The following NRXN1 variants were observed in gnomAD, a reference collection of about 807,000 sequenced individuals.
NRXN1 encodes neurexin-1.
A neutral mutation model predicts 150.9 loss-of-function variants in NRXN1; 39 were observed. That is an observed-to-expected ratio of 0.26 (90% confidence interval 0.20 to 0.34). The LOEUF is 0.34. Ranked by LOEUF, NRXN1 falls within the 10% of genes least tolerant of loss-of-function variation. NRXN1 has a pLI of 1.00. For missense variants in NRXN1, 1,815 were observed against 1,949.9 expected (o/e 0.93, Z 1.30); for synonymous variants, 924 against 757.0 (o/e 1.22, Z -3.62).
At chr2:50,957,728 A>C (rs1301776511) in intron 2 of NRXN1, among the ~76,000 whole-genome samples, 1 of 152,142 alleles carries the variant, frequency 6.6e-6, no homozygotes, top group Non-Finnish European at 1.5e-5. Context: ...TTTATTCTTA[A>C]TTACTTTTGT....
At chr2:50,209,803 A>C (rs899353136) in intron 18 of NRXN1, among the ~76,000 whole-genome samples, 2 of 152,178 alleles carry the variant, frequency 1.3e-5, no homozygotes, top group Admixed American at 1.3e-4. Context: ...TTGTTGCAAT[A>C]AAAAATAAAA....
chr2:50,694,332 T>C (rs17040945), intron 5 of NRXN1, among the ~76,000 whole-genome samples: 9,045 of 152,240 alleles, frequency 0.059, 532 homozygotes, highest in East Asian at 0.23. Flanking sequence ...GGGCATGTTA[T>C]TTTATCTTTT....
rs141823280 is a variant in NRXN1, at chr2:50,629,555, G to A, written c.833-5940C>T. On this transcript the variant is annotated intron_variant, in intron 5 of 22. Coordinates refer to ENST00000401669, the MANE Select transcript of NRXN1 (RefSeq NM_001330078.2). ...AGGGTTGCCTATGGGTGTGCTAAGCGTGTGAAAAATTAATTTACCTGGACA... is the reference window on the plus strand; with the variant it reads ...AGGGTTGCCTATGGGTGTGCTAAGCATGTGAAAAATTAATTTACCTGGACA... Among the ~76,000 whole-genome samples, 37 of 151,646 alleles carry A rather than the reference G, an allele frequency of 2.4e-4. No individual in the cohort carries two copies. In the East Asian group the frequency reaches 3.3e-3, roughly 13 times the overall value.
intron 5 of NRXN1, among the ~76,000 whole-genome samples, chr2:50,657,218 T>C (rs1686616953): frequency 1.3e-5 from 2 of 151,936 alleles, no homozygotes; most frequent in African/African-American, 4.8e-5. Context: ...CCCCATTGAC[T>C]CTTTAATAAG....
At chr2:50,631,176 TATTTTTCAACATATGTA>T in intron 5 of NRXN1, 1 of 421,048 alleles carries the variant, frequency 2.4e-6, no homozygotes, top group Non-Finnish European at 4.7e-6. Flanking sequence ...AATTACCAAC[TATTTTTCAACATATGTA>T]AATTCTGAGT....
intron 19 of NRXN1, among the ~76,000 whole-genome samples, chr2:50,067,771 T>C (rs556238380): frequency 6.6e-6 from 1 of 152,320 alleles, no homozygotes; most frequent in East Asian, 1.9e-4. Context: ...ACAAATGGCA[T>C]TTTGCCATTT....
At chr2:50,742,504 A>T (rs1433886986) in intron 5 of NRXN1, among the ~76,000 whole-genome samples, 1 of 150,814 alleles carries the variant, frequency 6.6e-6, no homozygotes, top group Non-Finnish European at 1.5e-5. Context: ...GCTACTTGGG[A>T]GGCTGAGGCA....
At chr2:50,955,249 T>G (rs766040446) in intron 2 of NRXN1, among the ~76,000 whole-genome samples, 1 of 152,196 alleles carries the variant, frequency 6.6e-6, no homozygotes, top group Admixed American at 6.5e-5. Context: ...ATGAAAACCA[T>G]AGTTCACAAA....
intron 19 of NRXN1, among the ~76,000 whole-genome samples, chr2:50,080,866 T>A (rs182966313): frequency 6.6e-6 from 1 of 152,240 alleles, no homozygotes; most frequent in East Asian, 1.9e-4. Context: ...TGGAAGCATG[T>A]TTAATTAGGG....
At chr2:50,275,987 CAA>C (rs34672241) in intron 17 of NRXN1, among the ~76,000 whole-genome samples, 4 of 127,962 alleles carry the variant, frequency 3.1e-5, no homozygotes, top group Non-Finnish European at 3.3e-5. Flanking sequence ...TCCTACCTTG[CAA>C]AAAAAAAAAA....
rs575549319 is a variant in NRXN1 at position 50,806,568 on chromosome 2, T to G, written c.832+115301A>C. The stretch of plus-strand genomic sequence containing the variant: ...AGATAAACACTAAAAATTACAGTTC[T>G]AAGACTTAGTTGAATATCTTTCAGT... On this transcript the variant is annotated intron_variant, in intron 5 of 22. Transcript: ENST00000401669. 6.6e-5 allele frequency among the ~76,000 whole-genome samples: 10 copies of G among 152,284 alleles called. No individual in the cohort carries two copies. The South Asian group carries it at 1.2e-3, about 19-fold the overall frequency.
chr2:50,112,297 C>A (rs1002431704), intron 18 of NRXN1, among the ~76,000 whole-genome samples: 3 of 152,094 alleles, frequency 2.0e-5, no homozygotes, highest in Non-Finnish European at 2.9e-5. Context: ...TCCTTATTAC[C>A]CCTGCTACTG....
chr2:50,451,980 A>G (rs2087011870), intron 17 of NRXN1, among the ~76,000 whole-genome samples: 4 of 152,252 alleles, frequency 2.6e-5, no homozygotes. Flanking sequence ...ACATACCAGT[A>G]ATAATTACAC....
chr2:50,059,002 A>G (rs1386783792), intron 19 of NRXN1, among the ~76,000 whole-genome samples: 2 of 152,164 alleles, frequency 1.3e-5, no homozygotes, highest in South Asian at 4.1e-4. Flanking sequence ...GTACTGGTAA[A>G]GTGGAGTACT....
rs78301058 is a variant in NRXN1, at chr2:50,256,312, A to G, written c.3365-19342T>C. ...TTTTTACCCATTAAACATATTTAGC[A>G]TTAGAACAATAGTTGGTTGGCTACA... On this transcript the variant is annotated intron_variant, in intron 17 of 22. Transcript: ENST00000401669. Among the ~76,000 whole-genome samples, 78 of 152,278 alleles carry G rather than the reference A, an allele frequency of 5.1e-4. No individual in the cohort carries two copies. In the East Asian group the frequency reaches 0.013, roughly 25 times the overall value.
chr2:50,824,924 T>C (rs1670238813), intron 5 of NRXN1, among the ~76,000 whole-genome samples: 1 of 152,178 alleles, frequency 6.6e-6, no homozygotes, highest in Non-Finnish European at 1.5e-5. Context: ...CATCCACAAT[T>C]TGTTATTATG....
intron 16 of NRXN1, among the ~76,000 whole-genome samples, chr2:50,471,241 A>T (rs138418784): frequency 4.9e-4 from 75 of 151,718 alleles, no homozygotes; most frequent in African/African-American, 1.7e-3. Context: ...TTTTTTCATC[A>T]TTCAATCCCC....
At chr2:50,428,290 C>T (rs2084665957) in intron 17 of NRXN1, among the ~76,000 whole-genome samples, 2 of 152,116 alleles carry the variant, frequency 1.3e-5, no homozygotes, top group East Asian at 1.9e-4. Flanking sequence ...TGGCACACAC[C>T]TGTGGTCTCA....
At chr2:50,361,333 T>C (rs1485266314) in intron 17 of NRXN1, among the ~76,000 whole-genome samples, 1 of 152,114 alleles carries the variant, frequency 6.6e-6, no homozygotes, top group East Asian at 1.9e-4. Flanking sequence ...GAGGTGTTTT[T>C]TGAAAAGATC....
Sources: allele counts gnomAD v4.1 joint callset (sites outside exome capture counted in the v4.1 genomes callset), GRCh38; gene constraint gnomAD v4.1.1; transcripts MANE v1.5; gene names NCBI Gene and HGNC (gene_info 2026-07-23, HGNC 2026-07-21).